GALNTL6: variants seen among roughly 807,000 people sequenced by gnomAD.
GALNTL6 encodes polypeptide N-acetylgalactosaminyltransferase-like 6.
GALNTL6 carries 46 observed loss-of-function variants against 73.7 expected under a neutral mutation model. The observed-to-expected ratio is 0.62, with a 90% CI of 0.49 to 0.80. The LOEUF (loss-of-function observed/expected upper bound fraction) is 0.80. GALNTL6 is among the 30% of genes least tolerant of loss of function. The pLI, the probability that GALNTL6 is intolerant of heterozygous loss-of-function variation, is 0.00. For missense variants in GALNTL6, 604 were observed against 755.0 expected, an observed-to-expected ratio of 0.80 and a Z score of 2.34; for synonymous variants, 259 against 263.7, an observed-to-expected ratio of 0.98 and a Z score of 0.17.
At chr4:172,228,997 G>A (rs923124379) in intron 2 of GALNTL6, among the ~76,000 whole-genome samples, 4 of 152,166 alleles carry the variant, frequency 2.6e-5, no homozygotes, top group African/African-American at 4.8e-5. Context: ...CTAGATGAGA[G>A]ACAGTATTTA....
At chr4:172,673,569 G>A (rs1286235070) in intron 5 of GALNTL6, among the ~76,000 whole-genome samples, 1 of 152,096 alleles carries the variant, frequency 6.6e-6, no homozygotes, top group East Asian at 1.9e-4. Context: ...TTGTCAGTGG[G>A]TTGTTAAAGT....
intron 2 of GALNTL6, among the ~76,000 whole-genome samples, chr4:172,171,380 A>G (rs1291139012): frequency 6.6e-6 from 1 of 152,156 alleles, no homozygotes; most frequent in African/African-American, 2.4e-5. Flanking sequence ...ATATAATTTC[A>G]CGTGACATAA....
intron 5 of GALNTL6, among the ~76,000 whole-genome samples, chr4:172,428,627 C>T (rs1731313541): frequency 6.6e-6 from 1 of 152,108 alleles, no homozygotes; most frequent in Non-Finnish European, 1.5e-5. Flanking sequence ...TGTCTCACTT[C>T]AAAATACACT....
rs201187316 is a variant in GALNTL6 at position 172,229,644 on chromosome 4, C to G, written c.139-12C>G. The G allele has an allele frequency of 6.4e-7, 1 of 1,571,204 alleles. No individual in the cohort carries two copies. The highest frequency in any genetic ancestry group is 8.8e-7 in the Non-Finnish European group (1 of 1,141,694). On this transcript the variant is annotated splice_polypyrimidine_tract_variant and intron_variant, in intron 2 of 12. Transcript: ENST00000506823. ...CCTCCTTTTTATGCTTGAATACTTT[C>G]CTTTTCCACAGACATTTCCACTGGG... is the stretch of plus-strand genomic sequence containing the variant.
chr4:173,040,036 A>C lies in GALNTL6; in HGVS notation c.1742A>C (p.Gln581Pro), dbSNP rs1353000034. 1 of 1,613,536 alleles carries C rather than the reference A, an allele frequency of 6.2e-7. No individual in the cohort carries two copies. The highest frequency in any genetic ancestry group is 1.3e-5 in the African/African-American group (1 of 74,922). The change falls in exon 13 of 13, where the codon CAG (glutamine) becomes CCG (proline). Residue 581 changes from glutamine (Q) to proline (P), a missense_variant. By Grantham distance (76) the Gln-to-Pro change is moderately conservative. Transcript: ENST00000506823. ...ARCDPLSETQ[Q>P]WIFEHINMTV... The stretch of plus-strand genomic sequence containing the variant: ...TGTGACCCTCTCTCTGAGACTCAGC[A>C]GTGGATTTTTGAACACATTAATATG...
chr4:172,901,428 AT>A, intron 8 of GALNTL6, among the ~76,000 whole-genome samples: 1 of 152,316 alleles, frequency 6.6e-6, no homozygotes, highest in South Asian at 2.1e-4. Flanking sequence ...ATTGTGATTA[AT>A]TTTTACAGTG....
intron 10 of GALNTL6, among the ~76,000 whole-genome samples, chr4:172,971,249 T>G (rs1750566957): frequency 2.0e-5 from 3 of 152,180 alleles, no homozygotes; most frequent in African/African-American, 7.2e-5. Flanking sequence ...CCAAATAAAT[T>G]TGTTTATTAA....
intron 12 of GALNTL6, among the ~76,000 whole-genome samples, chr4:173,026,372 C>T (rs1753232400): frequency 6.6e-6 from 1 of 152,180 alleles, no homozygotes; most frequent in African/African-American, 2.4e-5. Flanking sequence ...CAAAGATTGA[C>T]TGGAATGGTG....
chr4:172,269,722 T>TTC (rs71592064), intron 3 of GALNTL6, among the ~76,000 whole-genome samples: 28 of 151,422 alleles, frequency 1.8e-4, no homozygotes, highest in Admixed American at 3.9e-4. Flanking sequence ...TTTTTATGCA[T>TTC]TCTCTCTCTC....
intron 2 of GALNTL6, among the ~76,000 whole-genome samples, chr4:172,141,958 A>T (rs1388144377): frequency 6.6e-6 from 1 of 151,694 alleles, no homozygotes; most frequent in Admixed American, 6.6e-5. Flanking sequence ...ACAAAGCAAA[A>T]CTGAGAAAAA....
chr4:172,595,581 T>C (rs1737820851), intron 5 of GALNTL6, among the ~76,000 whole-genome samples: 3 of 152,228 alleles, frequency 2.0e-5, no homozygotes, highest in Admixed American at 2.0e-4. Context: ...CGTATTGTTA[T>C]ATTTAAAGTA....
In GALNTL6 at chr4:172,503,917, C is replaced by A. The variant is rs1734354610; in HGVS notation, c.553+155228C>A. Among the ~76,000 whole-genome samples, 2 of 8,700 alleles carry A rather than the reference C, an allele frequency of 2.3e-4. 1 individual carries two copies. Among genetic ancestry groups the A allele is most frequent in the Non-Finnish European group, 6.8e-4 (2 of 2,936 alleles). The allele number at this position is 8,700 out of a possible 152,430, so 5.7% of individuals were successfully genotyped here. Reference sequence around the variant, plus strand: ...CTGTAATCCTAGCCCATTGGGAGGCCGAGGCAGATGGATCACGTGAGGTCA... The same window carrying A: ...CTGTAATCCTAGCCCATTGGGAGGCAGAGGCAGATGGATCACGTGAGGTCA... On this transcript the variant is annotated intron_variant, in intron 5 of 12. Coordinates refer to ENST00000506823, the MANE Select transcript of GALNTL6 (RefSeq NM_001034845.3).
At chr4:172,760,431 A>AT (rs1055072563) in intron 5 of GALNTL6, among the ~76,000 whole-genome samples, 1 of 152,162 alleles carries the variant, frequency 6.6e-6, no homozygotes, top group Non-Finnish European at 1.5e-5. Context: ...TATTCCTGAA[A>AT]TTTTTAAAAA....
chr4:172,708,391 G>T (rs1433364773), intron 5 of GALNTL6, among the ~76,000 whole-genome samples: 1 of 152,164 alleles, frequency 6.6e-6, no homozygotes, highest in Non-Finnish European at 1.5e-5. Context: ...TGTAGTACAG[G>T]TGTCATCCAG....
At chr4:172,351,183 CTATCTAT>C (rs1741928231) in intron 5 of GALNTL6, among the ~76,000 whole-genome samples, 2 of 131,440 alleles carry the variant, frequency 1.5e-5, no homozygotes, top group African/African-American at 6.6e-5. Flanking sequence ...AATAATCTGT[CTATCTAT>C]CTATCTATCT....
intron 5 of GALNTL6, among the ~76,000 whole-genome samples, chr4:172,601,317 G>C (rs1333118272): frequency 6.6e-6 from 1 of 152,114 alleles, no homozygotes; most frequent in African/African-American, 2.4e-5. Context: ...AACTCATGTT[G>C]AAATTTGATC....
chr4:171,854,965 C>T (rs1735645625), intron 2 of GALNTL6, among the ~76,000 whole-genome samples: 1 of 152,164 alleles, frequency 6.6e-6, no homozygotes, highest in Non-Finnish European at 1.5e-5. Context: ...AGACGACATC[C>T]TGGCTTTATT....
intron 2 of GALNTL6, among the ~76,000 whole-genome samples, chr4:172,170,954 C>A (rs113808475): frequency 2.0e-5 from 3 of 152,322 alleles, no homozygotes; most frequent in African/African-American, 7.2e-5. Flanking sequence ...TCTTCAGATT[C>A]TTTTCCTTTT....
chr4:172,419,479 G>A (rs765139807), intron 5 of GALNTL6, among the ~76,000 whole-genome samples: 15 of 152,116 alleles, frequency 9.9e-5, no homozygotes, highest in Non-Finnish European at 1.6e-4. Flanking sequence ...GCCTTGTAAT[G>A]TCTTTGCAAC....
Sources: allele counts gnomAD v4.1 joint callset (sites outside exome capture counted in the v4.1 genomes callset), GRCh38; gene constraint gnomAD v4.1.1; transcripts MANE v1.5; gene names NCBI Gene and HGNC (gene_info 2026-07-23, HGNC 2026-07-21).